The following ESCO1 variants were observed in gnomAD, a reference collection of about 807,000 sequenced individuals.
ESCO1 encodes N-acetyltransferase ESCO1.
In ESCO1, 33 loss-of-function variants were observed where a neutral mutation model predicts 83.5. That is an observed-to-expected ratio of 0.40 (90% CI 0.30 to 0.53). The LOEUF is 0.53. ESCO1 is among the 20% of genes least tolerant of loss of function. The probability of loss-of-function intolerance (pLI) is 0.63; values close to 1 mark genes in which losing one functional copy is unlikely to be tolerated. For missense variants in ESCO1, 855 were observed against 968.0 expected, an observed-to-expected ratio of 0.88 and a Z score of 1.55; for synonymous variants, 332 against 324.3, an observed-to-expected ratio of 1.02 and a Z score of -0.25.
chr18:21,555,916 C>T (rs970264151), intron 8 of ESCO1, among the ~76,000 whole-genome samples: 6 of 150,694 alleles, frequency 4.0e-5, no homozygotes, highest in Non-Finnish European at 7.4e-5. Flanking sequence ...GCTATGATTG[C>T]GCCACTGCAT....
At chr18:21,591,957 C>T (rs1217255023) in intron 1 of ESCO1, among the ~76,000 whole-genome samples, 1 of 151,304 alleles carries the variant, frequency 6.6e-6, no homozygotes, top group African/African-American at 2.4e-5. Context: ...GTGGACACAG[C>T]ACATGTTTCA....
At chr18:21,543,700 G>A (rs1261820733) in intron 8 of ESCO1, among the ~76,000 whole-genome samples, 1 of 151,858 alleles carries the variant, frequency 6.6e-6, no homozygotes, top group Non-Finnish European at 1.5e-5. Context: ...TACATTTGAA[G>A]GAATATTTGA....
intron 1 of ESCO1, among the ~76,000 whole-genome samples, chr18:21,585,289 G>A (rs548292574): frequency 6.6e-5 from 10 of 152,002 alleles, no homozygotes; most frequent in Non-Finnish European, 1.2e-4. Context: ...TACCAGGCTT[G>A]GTCACATGCC....
rs921147582 is a variant in ESCO1, at chr18:21,600,680, T to A, written c.-882A>T. The stretch of plus-strand genomic sequence containing the variant: ...GCCAGCGGATCGCCTCACATCCGGG[T>A]ATCAGGAGACACTCAGCTGCTTCTG... On this transcript the variant is annotated 5_prime_UTR_variant, in exon 1 of 12. Transcript: ENST00000269214. The A allele has an allele frequency of 6.6e-6, 1 of 152,118 alleles. No homozygotes were observed. Among genetic ancestry groups the A allele is most frequent in the African/African-American group, 2.4e-5 (1 of 41,440 alleles). The allele number at this position is 152,118 out of a possible 1,614,324, so 9.4% of individuals were successfully genotyped here.
intron 4 of ESCO1, among the ~76,000 whole-genome samples, chr18:21,568,995 T>A (rs1184748255): frequency 6.6e-6 from 1 of 152,196 alleles, no homozygotes; most frequent in African/African-American, 2.4e-5. Flanking sequence ...CAGGTAATTT[T>A]AAATCACATA....
At chr18:21,600,382 G>C (rs2038826887) in intron 1 of ESCO1, among the ~76,000 whole-genome samples, 1 of 152,256 alleles carries the variant, frequency 6.6e-6, no homozygotes, top group Non-Finnish European at 1.5e-5. Context: ...GCGGCAGGTG[G>C]TGCGCGGACA....
At chr18:21,577,908 C>G (rs1293799165) in intron 2 of ESCO1, among the ~76,000 whole-genome samples, 1 of 152,174 alleles carries the variant, frequency 6.6e-6, no homozygotes, top group Non-Finnish European at 1.5e-5. Context: ...TAGAGGATAG[C>G]AGCCAAGCCT....
chr18:21,532,122 A>C (rs960858687), intron 11 of ESCO1, among the ~76,000 whole-genome samples: 4 of 152,192 alleles, frequency 2.6e-5, no homozygotes, highest in African/African-American at 7.2e-5. Context: ...ATTTCTCTAA[A>C]AGCTGAACTC....
rs1229692765 is a variant in ESCO1, at chr18:21,545,576, A to G, written c.1954-5567T>C. Among the ~76,000 whole-genome samples the G allele has an allele frequency of 2.0e-5, 3 of 151,646 alleles. No individual in the cohort carries two copies. In the East Asian group the frequency reaches 5.8e-4, roughly 29 times the overall value. On this transcript the variant is annotated intron_variant, in intron 8 of 11. Transcript: ENST00000269214. ...TAACAGAGCAAGACACCGTCTCAAA[A>G]AAAAAAAAAAAATTTACTAAAGGAA...
intron 1 of ESCO1, among the ~76,000 whole-genome samples, chr18:21,597,833 T>C (rs1433907624): frequency 6.6e-6 from 1 of 152,176 alleles, no homozygotes; most frequent in African/African-American, 2.4e-5. Flanking sequence ...CTTTAAGCAT[T>C]GTAATGCAAT....
intron 8 of ESCO1, among the ~76,000 whole-genome samples, chr18:21,554,363 A>G (rs1408246455): frequency 6.6e-6 from 1 of 152,246 alleles, no homozygotes; most frequent in African/African-American, 2.4e-5. Context: ...ATAATTGCCA[A>G]ACTTTGAAGC....
At chr18:21,595,003 AC>A (rs2038741145) in intron 1 of ESCO1, among the ~76,000 whole-genome samples, 1 of 149,730 alleles carries the variant, frequency 6.7e-6, no homozygotes, top group Non-Finnish European at 1.5e-5. Flanking sequence ...GGAGAGCACC[AC>A]CATGTCTGGC....
chr18:21,542,361 T>C (rs962141882), intron 8 of ESCO1, among the ~76,000 whole-genome samples: 2 of 152,110 alleles, frequency 1.3e-5, no homozygotes, highest in African/African-American at 4.8e-5. Context: ...TAAGAAAGCA[T>C]ATTTCAGTGA....
chr18:21,596,856 C>T (rs1339766520), intron 1 of ESCO1: 1 of 152,034 alleles, frequency 6.6e-6, no homozygotes, highest in Non-Finnish European at 1.5e-5. Flanking sequence ...TTAGTTACTC[C>T]TGGCTTCGCT....
chr18:21,549,327 C>A (rs988627883), intron 8 of ESCO1, among the ~76,000 whole-genome samples: 1 of 152,098 alleles, frequency 6.6e-6, no homozygotes, highest in African/African-American at 2.4e-5. Context: ...CTAAGGACAG[C>A]AGAGTGCTGA....
At position 21,547,060 on chromosome 18, in the gene ESCO1, T is replaced by C. The variant is rs796947480; in HGVS notation, c.1954-7051A>G. ...CTATACCCTTCTGAGCTCAAGGGAC[T>C]CCTACTTATCCTTTCTGAATTTATT... On this transcript the variant is annotated intron_variant, in intron 8 of 11. Coordinates refer to ENST00000269214, the MANE Select transcript of ESCO1 (RefSeq NM_052911.3). Among the ~76,000 whole-genome samples the C allele has an allele frequency of 8.5e-5, 13 of 152,334 alleles. No homozygotes were observed. The East Asian group carries it at 1.2e-3, about 14-fold the overall frequency.
intron 1 of ESCO1, among the ~76,000 whole-genome samples, chr18:21,595,972 A>T (rs1198042882): frequency 6.6e-6 from 1 of 151,600 alleles, no homozygotes; most frequent in Non-Finnish European, 1.5e-5. Context: ...TCAAAAAATA[A>T]ATAAATAAAT....
Position 21,564,190 on chromosome 18 carries a change from G to C in ESCO1, c.1821+13C>G. On this transcript the variant is annotated intron_variant, in intron 7 of 11. Coordinates refer to ENST00000269214, the MANE Select transcript of ESCO1 (RefSeq NM_052911.3). ...AACAACAATTCACCAAAATGGTCAA[G>C]TTGTGTACTTACTATAATCAACTGT... 6.6e-7 allele frequency: 1 copy of C among 1,506,454 alleles called. No individual in the cohort carries two copies. Among genetic ancestry groups the C allele is most frequent in the Non-Finnish European group, 9.2e-7 (1 of 1,092,586 alleles). The allele number at this position is 1,506,454 out of a possible 1,614,324, so 93.3% of individuals were successfully genotyped here. A position where few individuals can be genotyped will look rare whatever the true frequency, so the allele number is the denominator to read the frequency against.
rs576484024 is a variant in ESCO1 at position 21,571,248 on chromosome 18, C to T, written c.1530+2066G>A. ...TGTCACCCAGGCTGGAGTACAGTGG[C>T]GTGATCTTGGCTCACTGCAGCCTCC... On this transcript the variant is annotated intron_variant, in intron 4 of 11. Coordinates refer to ENST00000269214, the MANE Select transcript of ESCO1 (RefSeq NM_052911.3). Among the ~76,000 whole-genome samples, 15 of 151,950 alleles carry T rather than the reference C, an allele frequency of 9.9e-5. No homozygotes were observed. The East Asian group carries it at 1.8e-3, about 18-fold the overall frequency.
Sources: allele counts gnomAD v4.1 joint callset (sites outside exome capture counted in the v4.1 genomes callset), GRCh38; gene constraint gnomAD v4.1.1; transcripts MANE v1.5; gene names NCBI Gene and HGNC (gene_info 2026-07-23, HGNC 2026-07-21).